PTCHD4: variants seen among roughly 807,000 people sequenced by gnomAD.
PTCHD4 encodes the protein patched domain-containing protein 4.
PTCHD4 carries 33 observed loss-of-function variants against 58.1 expected under a neutral mutation model. The ratio of observed to expected loss-of-function variants is 0.57; its 90% CI spans 0.43 to 0.76. PTCHD4 has a LOEUF of 0.76. Among genes scored for constraint, PTCHD4 ranks in the 30% least tolerant of loss-of-function variants. The probability of loss-of-function intolerance (pLI) is 0.00; values close to 1 mark genes in which losing one functional copy is unlikely to be tolerated. For synonymous variants in PTCHD4, 478 were observed against 409.6 expected, an observed-to-expected ratio of 1.17 and a Z score of -2.02; for missense variants, 1,058 against 1,027.1, an observed-to-expected ratio of 1.03 and a Z score of -0.41.
intron 4 of PTCHD4, among the ~76,000 whole-genome samples, chr6:47,962,351 G>C (rs1026008839): frequency 2.6e-5 from 4 of 152,142 alleles, no homozygotes; most frequent in African/African-American, 9.7e-5. Flanking sequence ...AAAGTCACAA[G>C]TCAACCTGCA....
At chr6:47,931,783 G>A (rs1236665192) in intron 4 of PTCHD4, among the ~76,000 whole-genome samples, 8 of 144,828 alleles carry the variant, frequency 5.5e-5, no homozygotes, top group Admixed American at 1.4e-4. Flanking sequence ...CAATAGCAGG[G>A]GTAATGATTA....
intron 1 of PTCHD4, among the ~76,000 whole-genome samples, chr6:48,110,134 C>T (rs527895270): frequency 4.6e-5 from 7 of 152,218 alleles, no homozygotes; most frequent in African/African-American, 1.2e-4. Flanking sequence ...ATGAAATCAG[C>T]GTGTCCAAGA....
intron 3 of PTCHD4, among the ~76,000 whole-genome samples, chr6:48,042,968 T>C (rs770682623): frequency 9.2e-5 from 14 of 151,890 alleles, no homozygotes; most frequent in Middle Eastern, 3.2e-3. Context: ...TGATGAATCT[T>C]TGTGATCTTG....
intron 3 of PTCHD4, among the ~76,000 whole-genome samples, chr6:48,046,175 C>G (rs554423042): frequency 1.3e-5 from 2 of 151,918 alleles, no homozygotes; most frequent in African/African-American, 4.8e-5. Flanking sequence ...TTTACTTTAG[C>G]TAATTTTTAA....
At chr6:48,012,743 G>T (rs138870058) in intron 3 of PTCHD4, among the ~76,000 whole-genome samples, 1 of 152,086 alleles carries the variant, frequency 6.6e-6, no homozygotes, top group Admixed American at 6.6e-5. Context: ...TTTGAGATAC[G>T]TTCCATCAGT....
intron 4 of PTCHD4, among the ~76,000 whole-genome samples, chr6:47,883,660 G>A (rs139542540): frequency 6.6e-6 from 1 of 152,008 alleles, no homozygotes; most frequent in Non-Finnish European, 1.5e-5. Flanking sequence ...TTAATCCAGG[G>A]TTTCCCAACT....
intron 4 of PTCHD4, among the ~76,000 whole-genome samples, chr6:47,953,864 C>T (rs978154428): frequency 6.6e-6 from 1 of 152,192 alleles, no homozygotes; most frequent in Admixed American, 6.6e-5. Context: ...AATGCTACAT[C>T]TCATAATATC....
rs143198590 is a variant in PTCHD4, at chr6:47,935,050, T to C, written c.899-55114A>G. Among the ~76,000 whole-genome samples, 272 of 152,338 alleles carry C rather than the reference T, an allele frequency of 1.8e-3. 2 individuals are homozygous for C. The highest frequency in any genetic ancestry group is 6.1e-3 in the African/African-American group (253 of 41,584). On this transcript the variant is annotated intron_variant, in intron 4 of 4. Transcript: ENST00000339488. ...ACTTGTTTTTATTTTTGGTATTGTT[T>C]TACAGTGAATATTATTTAATTTCCA...
chr6:48,013,648 T>G (rs150747124), intron 3 of PTCHD4, among the ~76,000 whole-genome samples: 5 of 152,246 alleles, frequency 3.3e-5, no homozygotes, highest in Admixed American at 3.3e-4. Context: ...GCATTTATTT[T>G]TGTTTTAAGC....
intron 4 of PTCHD4, among the ~76,000 whole-genome samples, chr6:47,985,042 C>A: frequency 6.6e-6 from 1 of 152,046 alleles, no homozygotes. Context: ...ATAATTATGA[C>A]CATTCCAACA....
At chr6:48,048,019 A>T (rs1017061650) in intron 3 of PTCHD4, among the ~76,000 whole-genome samples, 5 of 12,742 alleles carry the variant, frequency 3.9e-4, no homozygotes, top group African/African-American at 6.4e-4. Flanking sequence ...GCATTCTAGT[A>T]AAAAAAAAAA....
At chr6:47,953,577 A>G (rs953212351) in intron 4 of PTCHD4, among the ~76,000 whole-genome samples, 14 of 152,180 alleles carry the variant, frequency 9.2e-5, no homozygotes, top group African/African-American at 3.1e-4. Context: ...TAGTCACTGA[A>G]AAATTAGAAT....
chr6:48,001,954 T>C (rs1347169226), intron 4 of PTCHD4, among the ~76,000 whole-genome samples: 3 of 152,186 alleles, frequency 2.0e-5, no homozygotes, highest in African/African-American at 7.2e-5. Flanking sequence ...GTGAAGGATA[T>C]GAACAGACAC....
chr6:48,032,277 C>A (rs1763473323), intron 3 of PTCHD4, among the ~76,000 whole-genome samples: 1 of 152,018 alleles, frequency 6.6e-6, no homozygotes, highest in South Asian at 2.1e-4. Context: ...TGGAAATAGT[C>A]ATAAAAAGAG....
chr6:47,935,931 G>T (rs549070302), intron 4 of PTCHD4, among the ~76,000 whole-genome samples: 1 of 152,194 alleles, frequency 6.6e-6, no homozygotes, highest in Non-Finnish European at 1.5e-5. Context: ...GGAGGACTTG[G>T]TATTTTATCA....
intron 4 of PTCHD4, among the ~76,000 whole-genome samples, chr6:47,920,185 G>T (rs951570156): frequency 1.3e-5 from 2 of 152,120 alleles, no homozygotes; most frequent in African/African-American, 4.8e-5. Context: ...ATAGTGGCTT[G>T]GACCAAAGGT....
intron 1 of PTCHD4, among the ~76,000 whole-genome samples, chr6:48,081,657 G>A (rs1332451572): frequency 1.3e-5 from 2 of 152,156 alleles, no homozygotes; most frequent in Non-Finnish European, 2.9e-5. Flanking sequence ...ATCAAAGGAA[G>A]TACATAATTG....
At chr6:47,929,349 C>G (rs141874729) in intron 4 of PTCHD4, among the ~76,000 whole-genome samples, 1 of 152,104 alleles carries the variant, frequency 6.6e-6, no homozygotes, top group East Asian at 1.9e-4. Flanking sequence ...CTACTTGCAC[C>G]CAAGTGGCCA....
chr6:48,025,191 A>G (rs1316049960), intron 3 of PTCHD4, among the ~76,000 whole-genome samples: 1 of 152,198 alleles, frequency 6.6e-6, no homozygotes, highest in Non-Finnish European at 1.5e-5. Flanking sequence ...CTGGTACAGT[A>G]TTAAGATAAA....
Sources: gnomAD v4.1 joint callset for allele counts (sites outside exome capture counted in the v4.1 genomes callset) on GRCh38, gnomAD v4.1.1 for gene constraint, MANE v1.5 for transcripts, NCBI Gene and HGNC (gene_info 2026-07-23, HGNC 2026-07-21) for gene names.